Variants in PRELID3B observed in about 807,000 individuals in gnomAD.
PRELID3B encodes PRELI domain containing 3B.
A neutral mutation model predicts 24.0 loss-of-function variants in PRELID3B; 15 were observed. The ratio of observed to expected loss-of-function variants is 0.63; its 90% CI spans 0.42 to 0.96. The LOEUF is 0.96. Ranked by LOEUF, PRELID3B falls within the 40% of genes least tolerant of loss-of-function variation. PRELID3B has a pLI of 0.00. For synonymous variants in PRELID3B, 62 were observed against 76.0 expected (o/e 0.82, Z 0.96); for missense variants, 189 against 236.0 (o/e 0.80, Z 1.30).
chr20:59,034,870 A>G lies in PRELID3B; in HGVS notation c.*137T>C. ...CCTGCATCTGTTTTGATCAAGTCAC[A>G]TAGCCTTACACCAACTTATCAAAAA... On this transcript the variant is annotated 3_prime_UTR_variant, in exon 6 of 6. Transcript: ENST00000355937. The G allele has an allele frequency of 1.4e-6, 1 of 703,386 alleles. No individual in the cohort carries two copies. 43.6% of individuals were successfully genotyped at this position (703,386 alleles called of 1,614,324 possible).
At chr20:59,039,937 G>A (rs2092099606) in intron 1 of PRELID3B, among the ~76,000 whole-genome samples, 1 of 152,160 alleles carries the variant, frequency 6.6e-6, no homozygotes, top group Admixed American at 6.5e-5. Context: ...TCATCAATCT[G>A]AAGTGTCCCG....
rs760226288 is a variant in PRELID3B at position 59,034,155 on chromosome 20, A to G, written c.*852T>C. 1.3e-5 allele frequency: 2 copies of G among 152,272 alleles called. No homozygotes were observed. Among genetic ancestry groups the G allele is most frequent in the Non-Finnish European group, 2.9e-5 (2 of 68,048 alleles). The allele number at this position is 152,272 out of a possible 1,614,324, so 9.4% of individuals were successfully genotyped here. A position where few individuals can be genotyped will look rare whatever the true frequency, so the allele number is the denominator to read the frequency against. On this transcript the variant is annotated 3_prime_UTR_variant, in exon 6 of 6. Transcript: ENST00000355937. ...TTATATTCAAATAACCTGACATATC[A>G]TGCCTTAGCAATTACAAAACCATGA...
At chr20:59,038,410 G>A in intron 2 of PRELID3B, 56 bp downstream of exon 2, 3 of 1,519,388 alleles carry the variant, frequency 2.0e-6, no homozygotes, top group Admixed American at 3.7e-5. Context: ...GTATAATGCG[G>A]TTTAGAAAAC....
chr20:59,042,610 G>C, intron 1 of PRELID3B, 89 bp downstream of exon 1: 1 of 1,454,974 alleles, frequency 6.9e-7, no homozygotes, highest in Non-Finnish European at 9.4e-7. Flanking sequence ...CCGACGCCTA[G>C]AAGCCTCCTG....
intron 1 of PRELID3B, among the ~76,000 whole-genome samples, chr20:59,039,941 T>G (rs566100130): frequency 6.6e-6 from 1 of 152,328 alleles, no homozygotes; most frequent in African/African-American, 2.4e-5. Flanking sequence ...CAATCTGAAG[T>G]GTCCCGACAA....
rs1264345515 is a variant in PRELID3B, at chr20:59,034,364, C to T, written c.*643G>A. 1 of 152,380 alleles carries T rather than the reference C, an allele frequency of 6.6e-6. No homozygotes were observed. The highest frequency in any genetic ancestry group is 1.5e-5 in the Non-Finnish European group (1 of 68,016). 9.4% of individuals were successfully genotyped at this position (152,380 alleles called of 1,614,324 possible). A position where few individuals can be genotyped will look rare whatever the true frequency, so the allele number is the denominator to read the frequency against. ...AAGTACAAATCCAAGGAAGTTAATA[C>T]CTTTACTAAGTTACAAAACTTGGGC... On this transcript the variant is annotated 3_prime_UTR_variant, in exon 6 of 6. Transcript: ENST00000355937.
rs746402109 is a variant in PRELID3B, at chr20:59,037,175, G to T, written c.291+16C>A. 6.3e-7 allele frequency: 1 copy of T among 1,588,234 alleles called. No homozygotes were observed. The highest frequency in any genetic ancestry group is 1.1e-5 in the South Asian group (1 of 90,140). Reference sequence around the variant, plus strand: ...CCAGACAGTTCGAAATGAAACAAAAGGGAGCCAAGACTTACATTAGTAGAT... The same window carrying T: ...CCAGACAGTTCGAAATGAAACAAAATGGAGCCAAGACTTACATTAGTAGAT... On this transcript the variant is annotated intron_variant, in intron 3 of 5. Coordinates refer to ENST00000355937, the MANE Select transcript of PRELID3B (RefSeq NM_016045.3).
At position 59,033,516 on chromosome 20, in the gene PRELID3B, C is replaced by T. The variant is rs962373881; in HGVS notation, c.*1491G>A. The T allele has an allele frequency of 2.7e-5, 4 of 150,876 alleles. No individual in the cohort carries two copies. The highest frequency in any genetic ancestry group is 5.9e-5 in the Non-Finnish European group (4 of 67,670). 9.3% of individuals were successfully genotyped at this position (150,876 alleles called of 1,614,324 possible). A position where few individuals can be genotyped will look rare whatever the true frequency, so the allele number is the denominator to read the frequency against. ...CACTTGTAAAAACTATCTCCGGTTACAAAAAAAAATCAGAAACCTTATTAA... is the reference window on the plus strand; with the variant it reads ...CACTTGTAAAAACTATCTCCGGTTATAAAAAAAAATCAGAAACCTTATTAA... On this transcript the variant is annotated 3_prime_UTR_variant, in exon 6 of 6. Coordinates refer to ENST00000355937, the MANE Select transcript of PRELID3B (RefSeq NM_016045.3).
At chr20:59,039,903 T>C (rs2092099281) in intron 1 of PRELID3B, among the ~76,000 whole-genome samples, 1 of 152,144 alleles carries the variant, frequency 6.6e-6, no homozygotes, top group African/African-American at 2.4e-5. Flanking sequence ...CAGCAATCAA[T>C]GCAGGTATAT....
intron 1 of PRELID3B, among the ~76,000 whole-genome samples, chr20:59,039,258 T>C (rs1431686482): frequency 6.6e-6 from 1 of 152,238 alleles, no homozygotes; most frequent in Non-Finnish European, 1.5e-5. Flanking sequence ...CTCAATATAA[T>C]AAAATGTCCT....
chr20:59,042,553 G>C, intron 1 of PRELID3B, 146 bp downstream of exon 1: 1 of 545,690 alleles, frequency 1.8e-6, no homozygotes, highest in Non-Finnish European at 2.9e-6. Flanking sequence ...TCTGCCCTCC[G>C]TGTCGCCGGG....
In PRELID3B at chr20:59,034,989, G is replaced by GTCAAACA. The variant is rs775845544; in HGVS notation, c.*17_*18insTGTTTGA. 1.9e-6 allele frequency: 3 copies of GTCAAACA among 1,602,858 alleles called. No homozygotes were observed. The African/African-American group carries it at 4.0e-5, about 22-fold the overall frequency. On this transcript the variant is annotated 3_prime_UTR_variant, in exon 6 of 6. Coordinates refer to ENST00000355937, the MANE Select transcript of PRELID3B (RefSeq NM_016045.3). ...GGAGAGACCTGGAGTACCCGATGTT[G>GTCAAACA]TCTACCAACTGTCACGATCACTTCT...
chr20:59,035,005 G>T lies in PRELID3B; in HGVS notation c.*2C>A. 1 of 1,611,410 alleles carries T rather than the reference G, an allele frequency of 6.2e-7. No homozygotes were observed. The highest frequency in any genetic ancestry group is 8.5e-7 in the Non-Finnish European group (1 of 1,178,856). ...CCCGATGTTGTCTACCAACTGTCAC[G>T]ATCACTTCTCTGCAAACGCTGCTGC... On this transcript the variant is annotated 3_prime_UTR_variant, in exon 6 of 6. Transcript: ENST00000355937.
chr20:59,038,464 A>G lies in PRELID3B; in HGVS notation c.201+2T>C. ...TTTCTCCGGGAATAAAGACACACTT[A>G]CAGACTTCACAATGGAAGGCAGTCC... On this transcript the variant is annotated splice_donor_variant, in intron 2 of 5. Coordinates refer to ENST00000355937, the MANE Select transcript of PRELID3B (RefSeq NM_016045.3). LOFTEE classifies it high-confidence loss of function. 1 of 1,612,762 alleles carries G rather than the reference A, an allele frequency of 6.2e-7. No individual in the cohort carries two copies. Among genetic ancestry groups the G allele is most frequent in the Non-Finnish European group, 8.5e-7 (1 of 1,179,262 alleles).
chr20:59,041,659 C>T (rs140594127), intron 1 of PRELID3B, among the ~76,000 whole-genome samples: 2,021 of 152,250 alleles, frequency 0.013, 49 homozygotes, highest in African/African-American at 0.046. Context: ...CGTTTGAACA[C>T]GGGAGACGGA....
At chr20:59,042,598 G>T (rs1481068943) in intron 1 of PRELID3B, 101 bp downstream of exon 1, 4 of 1,364,836 alleles carry the variant, frequency 2.9e-6, no homozygotes, top group Non-Finnish European at 3.0e-6. Context: ...CCCTCGCTAG[G>T]CCCGACGCCT....
intron 1 of PRELID3B, among the ~76,000 whole-genome samples, chr20:59,042,372 G>C (rs1471573963): frequency 6.6e-6 from 1 of 152,250 alleles, no homozygotes. Context: ...GCTGTCAAGG[G>C]CTTCGTGCTC....
At chr20:59,036,882 G>A (rs2092076990) in intron 3 of PRELID3B, 122 bp from the exon 4 acceptor site, 2 of 674,166 alleles carry the variant, frequency 3.0e-6, no homozygotes, top group Non-Finnish European at 5.0e-6. Flanking sequence ...ATAAACCGCT[G>A]CTATTATTGC....
rs1187742538 is a variant in PRELID3B, at chr20:59,038,524, T to C, written c.143A>G (p.Lys48Arg). 9 of 1,613,784 alleles carry C rather than the reference T, an allele frequency of 5.6e-6. No homozygotes were observed. The highest frequency in any genetic ancestry group is 3.3e-5 in the Admixed American group (2 of 59,984). The change falls in exon 2 of 6, where the codon AAG (lysine) becomes AGG (arginine). Residue 48 changes from lysine to arginine, a missense_variant. Lys to Arg is a conservative substitution (Grantham distance 26, BLOSUM62 2). Transcript: ENST00000355937. Reference sequence around the variant, plus strand: ...GCTGAGAAGTCTGTGGCTGTGCAACTTTCCAGAGGGATCTATATGTCTGTC... The same window carrying C: ...GCTGAGAAGTCTGTGGCTGTGCAACCTTCCAGAGGGATCTATATGTCTGTC... The part of the protein sequence containing the change: ...VLDRHIDPSG[K>R]LHSHRLLSTE...
Sources: gnomAD v4.1 joint callset for allele counts (sites outside exome capture counted in the v4.1 genomes callset) on GRCh38, gnomAD v4.1.1 for gene constraint, MANE v1.5 for transcripts, NCBI Gene and HGNC (gene_info 2026-07-23, HGNC 2026-07-21) for gene names.